AADACL2: variants seen among roughly 807,000 people sequenced by gnomAD.
AADACL2 encodes the protein arylacetamide deacetylase-like 2.
A neutral mutation model predicts 22.3 loss-of-function variants in AADACL2; 23 were observed. The observed-to-expected ratio is 1.03, with a 90% CI of 0.74 to 1.46. AADACL2 has a LOEUF of 1.46. Among genes scored for constraint, AADACL2 ranks in the 40% most tolerant of loss-of-function variants. The probability of loss-of-function intolerance (pLI) is 0.00; values close to 1 mark genes in which losing one functional copy is unlikely to be tolerated. For missense variants in AADACL2, 472 were observed against 482.9 expected (o/e 0.98, Z 0.21); for synonymous variants, 177 against 166.2 (o/e 1.07, Z -0.50).
At chr3:151,743,467 T>C (rs1282914645) in intron 2 of AADACL2, among the ~76,000 whole-genome samples, 1 of 152,112 alleles carries the variant, frequency 6.6e-6, no homozygotes, top group Non-Finnish European at 1.5e-5. Flanking sequence ...CAATAGCTTG[T>C]ACATCAAGCA....
intron 2 of AADACL2, among the ~76,000 whole-genome samples, chr3:151,742,345 G>C (rs1323172150): frequency 6.6e-6 from 1 of 151,844 alleles, no homozygotes; most frequent in Non-Finnish European, 1.5e-5. Flanking sequence ...CAATAAAAAG[G>C]CATGGAATAA....
intron 2 of AADACL2, among the ~76,000 whole-genome samples, chr3:151,741,441 A>T (rs1217866476): frequency 6.6e-6 from 1 of 152,164 alleles, no homozygotes; most frequent in Non-Finnish European, 1.5e-5. Flanking sequence ...TTATTCAATA[A>T]ATGTTTTTGT....
At chr3:151,743,495 A>T (rs1413153890) in intron 2 of AADACL2, among the ~76,000 whole-genome samples, 1 of 152,170 alleles carries the variant, frequency 6.6e-6, no homozygotes, top group Non-Finnish European at 1.5e-5. Context: ...ACTCATATGT[A>T]TATCAAGTCT....
At position 151,741,775 on chromosome 3, in the gene AADACL2, C is replaced by A. The variant is rs529320299; in HGVS notation, c.361+907C>A. On this transcript the variant is annotated intron_variant, in intron 2 of 4. Transcript: ENST00000356517. ...ACATATTACCTAGGACTTGAGTAAG[C>A]ACAAAAGAAATGGCCACTGACAGGA... 3.3e-5 allele frequency among the ~76,000 whole-genome samples: 5 copies of A among 152,092 alleles called. No individual in the cohort carries two copies. In the South Asian group the frequency reaches 1.0e-3, roughly 32 times the overall value.
chr3:151,756,071 C>T (rs1406228488), intron 4 of AADACL2, among the ~76,000 whole-genome samples: 2 of 152,076 alleles, frequency 1.3e-5, no homozygotes, highest in African/African-American at 2.4e-5. Flanking sequence ...GTTCAGCCAG[C>T]CACTGTGGTG....
chr3:151,741,935 C>T (rs1011880754), intron 2 of AADACL2, among the ~76,000 whole-genome samples: 8 of 152,076 alleles, frequency 5.3e-5, no homozygotes, highest in African/African-American at 1.9e-4. Context: ...ATATGACATT[C>T]CAACATTCTG....
intron 4 of AADACL2, among the ~76,000 whole-genome samples, chr3:151,756,388 C>A (rs557475296): frequency 6.6e-6 from 1 of 152,102 alleles, no homozygotes; most frequent in South Asian, 2.1e-4. Flanking sequence ...CATAAGATAC[C>A]TGTTGATTGG....
intron 1 of AADACL2, among the ~76,000 whole-genome samples, chr3:151,736,344 A>G (rs1372974537): frequency 6.7e-6 from 1 of 148,732 alleles, no homozygotes; most frequent in East Asian, 2.0e-4. Flanking sequence ...TCTGGGATAC[A>G]TGTGCAGAAC....
chr3:151,737,384 A>T lies in AADACL2; in HGVS notation c.138+3211A>T, dbSNP rs187603157. On this transcript the variant is annotated intron_variant, in intron 1 of 4. Coordinates refer to ENST00000356517, the MANE Select transcript of AADACL2 (RefSeq NM_207365.4). ...CTGAGGAGTGTTTTTTCTTCCAATT[A>T]TGTGGTCAATGTTAGAATAAGTGCT... Among the ~76,000 whole-genome samples, 19 of 151,290 alleles carry T rather than the reference A, an allele frequency of 1.3e-4. No individual in the cohort carries two copies. In the East Asian group the frequency reaches 3.1e-3, roughly 25 times the overall value.
intron 4 of AADACL2, 45 bp from the exon 5 acceptor site, chr3:151,756,947 A>G: frequency 6.0e-6 from 9 of 1,507,140 alleles, no homozygotes; most frequent in Non-Finnish European, 7.9e-6. Context: ...TTCTCCTGGT[A>G]TTTTGGAAAT....
chr3:151,754,797 T>A (rs1713827307), intron 4 of AADACL2, among the ~76,000 whole-genome samples: 1 of 152,144 alleles, frequency 6.6e-6, no homozygotes, highest in Non-Finnish European at 1.5e-5. Flanking sequence ...ACTTTTTCAT[T>A]CTTGTTCTTT....
At chr3:151,736,439 G>C (rs1713091562) in intron 1 of AADACL2, among the ~76,000 whole-genome samples, 2 of 151,876 alleles carry the variant, frequency 1.3e-5, no homozygotes, top group Non-Finnish European at 2.9e-5. Context: ...AGCCCTGCAT[G>C]CATTAAGTAT....
intron 2 of AADACL2, 85 bp downstream of exon 2, chr3:151,740,953 C>CCTG: frequency 9.6e-7 from 1 of 1,043,700 alleles, no homozygotes; most frequent in Non-Finnish European, 1.4e-6. Flanking sequence ...CACACTTATA[C>CCTG]TGATACATAC....
chr3:151,759,661 A>G lies in AADACL2; in HGVS notation c.*2067A>G, dbSNP rs367857459. The stretch of plus-strand genomic sequence containing the variant: ...AATGTATGCTAAGGTAGGCCAGTCA[A>G]TCCTTTTTTATTTATTTTGTAAATT... On this transcript the variant is annotated 3_prime_UTR_variant, in exon 5 of 5. Transcript: ENST00000356517. 7.8e-4 allele frequency: 119 copies of G among 152,198 alleles called. 1 individual carries two copies. Among genetic ancestry groups the G allele is most frequent in the African/African-American group, 2.6e-3 (109 of 41,444 alleles). The allele number at this position is 152,198 out of a possible 1,614,324, so 9.4% of individuals were successfully genotyped here.
At position 151,740,631 on chromosome 3, in the gene AADACL2, G is replaced by T; in HGVS notation, c.139-15G>T. 5 of 1,514,592 alleles carry T rather than the reference G, an allele frequency of 3.3e-6. No individual in the cohort carries two copies. The highest frequency in any genetic ancestry group is 1.7e-4 in the Middle Eastern group (1 of 5,744). 93.8% of individuals were successfully genotyped at this position (1,514,592 alleles called of 1,614,324 possible). On this transcript the variant is annotated splice_polypyrimidine_tract_variant and intron_variant, in intron 1 of 4. Coordinates refer to ENST00000356517, the MANE Select transcript of AADACL2 (RefSeq NM_207365.4). ...AATATCTAAATATTTAATTTTGTTT[G>T]TTTTGTTCTTACAGGCTATGTGTTT... is the stretch of plus-strand genomic sequence containing the variant.
intron 1 of AADACL2, among the ~76,000 whole-genome samples, chr3:151,737,341 T>G (rs1303536589): frequency 1.3e-5 from 2 of 152,184 alleles, no homozygotes; most frequent in African/African-American, 4.8e-5. Context: ...TTTTTTAATT[T>G]TCATTCTTTT....
chr3:151,744,161 G>C lies in AADACL2; in HGVS notation c.430G>C (p.Asp144His). 1 of 1,613,266 alleles carries C rather than the reference G, an allele frequency of 6.2e-7. No homozygotes were observed. The highest frequency in any genetic ancestry group is 8.5e-7 in the Non-Finnish European group (1 of 1,179,520). Residue 144 changes from aspartate to histidine, a missense_variant and splice_region_variant, in exon 3 of 5, where the codon GAC (aspartate) becomes CAC (histidine). Physicochemically the swap from Asp to His is moderately conservative, Grantham distance 81. Around this residue, in one of 3 missense-constraint regions of AADACL2, gnomAD observed 356 missense variants for 365.5 expected, o/e 0.97. Coordinates refer to ENST00000356517, the MANE Select transcript of AADACL2 (RefSeq NM_207365.4). ...GCTTGATGCTGTTGTTGTAGGCGTG[G>C]AGTAAGAATGATTTTTTTCTGGCTA... Reference protein sequence around the residue: ...NTLDAVVVGVDYRLAPQHHFP... With the variant: ...NTLDAVVVGVHYRLAPQHHFP...
chr3:151,756,916 T>G (rs1713933394), intron 4 of AADACL2, 76 bp from the exon 5 acceptor site: 1 of 1,396,414 alleles, frequency 7.2e-7, no homozygotes, highest in Non-Finnish European at 9.6e-7. Context: ...ATCTTATGAC[T>G]GCTAGATAAT....
At chr3:151,745,731 T>G (rs1170902975) in intron 4 of AADACL2, 51 bp downstream of exon 4, 39 of 1,527,500 alleles carry the variant, frequency 2.6e-5, no homozygotes, top group Non-Finnish European at 3.4e-5. Context: ...GGCTCATTTT[T>G]TTTCTATAGA....
Sources: allele counts gnomAD v4.1 joint callset (sites outside exome capture counted in the v4.1 genomes callset), GRCh38; gene constraint gnomAD v4.1.1; regional missense constraint gnomAD v4.1.1; transcripts MANE v1.5; gene names NCBI Gene and HGNC (gene_info 2026-07-23, HGNC 2026-07-21).